FBLN2: variants seen among roughly 807,000 people sequenced by gnomAD.
FBLN2 encodes the protein fibulin 2, also known as fibulin-2.
In FBLN2, 81 loss-of-function variants were observed where a neutral mutation model predicts 123.7. That is an observed-to-expected ratio of 0.65 (90% CI 0.55 to 0.79). FBLN2 has a LOEUF of 0.79. FBLN2 is among the 30% of genes least tolerant of loss of function. The probability of loss-of-function intolerance (pLI) is 0.00; values close to 1 mark genes in which losing one functional copy is unlikely to be tolerated. For synonymous variants in FBLN2, 699 were observed against 701.4 expected, an observed-to-expected ratio of 1.00 and a Z score of 0.05; for missense variants, 1,603 against 1,681.3, an observed-to-expected ratio of 0.95 and a Z score of 0.81.
chr3:13,591,461 C>T (rs1159161113), intron 2 of FBLN2, among the ~76,000 whole-genome samples: 1 of 152,126 alleles, frequency 6.6e-6, no homozygotes, highest in Non-Finnish European at 1.5e-5. Flanking sequence ...ACAAATGGCC[C>T]CTAGACATCT....
intron 4 of FBLN2, among the ~76,000 whole-genome samples, chr3:13,609,979 AC>A (rs1406209588): frequency 2.0e-5 from 3 of 152,154 alleles, no homozygotes; most frequent in Non-Finnish European, 2.9e-5. Flanking sequence ...ATATTTTAGC[AC>A]CTGGCGTGGT....
chr3:13,602,389 A>T (rs1224061138), intron 2 of FBLN2, among the ~76,000 whole-genome samples: 1 of 152,188 alleles, frequency 6.6e-6, no homozygotes, highest in African/African-American at 2.4e-5. Flanking sequence ...TATTTTTCAG[A>T]AATGTTCTCG....
intron 2 of FBLN2, among the ~76,000 whole-genome samples, chr3:13,584,882 G>C (rs569201243): frequency 3.3e-5 from 5 of 152,350 alleles, no homozygotes; most frequent in East Asian, 3.9e-4. Context: ...AGATGCCCAG[G>C]TAGAGATGCC....
intron 16 of FBLN2, among the ~76,000 whole-genome samples, chr3:13,633,003 C>T (rs368001101): frequency 5.0e-4 from 76 of 152,352 alleles, no homozygotes; most frequent in Non-Finnish European, 8.5e-4. Context: ...GTGGCCACTT[C>T]AAGGAAGCCC....
chr3:13,615,754 C>G (rs1459454520), intron 5 of FBLN2, among the ~76,000 whole-genome samples: 4 of 152,228 alleles, frequency 2.6e-5, no homozygotes, highest in Non-Finnish European at 4.4e-5. Flanking sequence ...AGGGCAGGAT[C>G]TTGCCCCAGG....
chr3:13,608,203 C>A, intron 3 of FBLN2, 30 bp downstream of exon 3: 1 of 1,508,560 alleles, frequency 6.6e-7, no homozygotes, highest in Non-Finnish European at 9.0e-7. Context: ...GCAGGCGGAG[C>A]TGCCCATTTG....
chr3:13,612,420 A>G (rs56301518), intron 4 of FBLN2, among the ~76,000 whole-genome samples: 56,731 of 149,778 alleles, frequency 0.38, 15,839 homozygotes, highest in African/African-American at 0.8. Context: ...TCGCTCTGTC[A>G]CCCAGGCTGG....
Position 13,570,883 on chromosome 3 carries a change from T to C in FBLN2, c.528T>C (p.Gly176=). ...GGELICYQLP[G]CHGNFSDAEE... is the part of the protein sequence containing the mutation. ...AGCTCATCTGCTACCAGCTCCCCGG[T>C]TGCCACGGGAACTTCTCAGATGCCG... Residue 176 remains glycine (G), a synonymous_variant, in exon 2 of 18, where the codon GGT becomes GGC. Transcript: ENST00000404922. The C allele has an allele frequency of 6.2e-7, 1 of 1,612,070 alleles. No homozygotes were observed. Among genetic ancestry groups the C allele is most frequent in the Non-Finnish European group, 8.5e-7 (1 of 1,179,406 alleles).
At chr3:13,607,018 TGCTCTGTCACCCAG>T (rs1454000118) in intron 2 of FBLN2, among the ~76,000 whole-genome samples, 2 of 151,434 alleles carry the variant, frequency 1.3e-5, no homozygotes, top group Non-Finnish European at 2.9e-5. Context: ...GACGGAGTCT[TGCTCTGTCACCCAG>T]GCTGGAGTGC....
At chr3:13,587,436 A>G (rs1337416370) in intron 2 of FBLN2, among the ~76,000 whole-genome samples, 2 of 152,310 alleles carry the variant, frequency 1.3e-5, no homozygotes, top group South Asian at 4.1e-4. Flanking sequence ...TAGGTCTTCA[A>G]ATGCACTCAC....
intron 2 of FBLN2, among the ~76,000 whole-genome samples, chr3:13,590,804 A>C (rs555232745): frequency 1.9e-3 from 287 of 152,352 alleles, no homozygotes; most frequent in African/African-American, 6.7e-3. Flanking sequence ...GGAATAAATC[A>C]TAGTTTTAAA....
chr3:13,618,210 A>G lies in FBLN2; in HGVS notation c.1864A>G (p.Asn622Asp). The G allele has an allele frequency of 6.2e-7, 1 of 1,613,878 alleles. No individual in the cohort carries two copies. ...AGAGCTGTGCCAGCACCTTTGCATC[A>G]ATACTGTGGGTTCTTACCACTGTGC... is the stretch of plus-strand genomic sequence containing the variant. The part of the protein sequence containing the change: ...PGELCQHLCI[N>D]TVGSYHCACF... Residue 622 changes from asparagine (N) to aspartate (D), a missense_variant, in exon 6 of 18, where the codon AAT becomes GAT. Coordinates refer to ENST00000404922, the MANE Select transcript of FBLN2 (RefSeq NM_001004019.2).
chr3:13,607,423 A>G (rs1370306934), intron 2 of FBLN2, among the ~76,000 whole-genome samples: 3 of 152,206 alleles, frequency 2.0e-5, no homozygotes, highest in East Asian at 1.9e-4. Flanking sequence ...CAGGCTGAGT[A>G]GGCTTAGGAG....
At chr3:13,619,650 A>T in intron 7 of FBLN2, 80 bp from the exon 8 acceptor site, 1 of 1,186,276 alleles carries the variant, frequency 8.4e-7, no homozygotes, top group Non-Finnish European at 1.2e-6. Flanking sequence ...CTAGTAGGTT[A>T]GAGCCAGGGA....
intron 1 of FBLN2, among the ~76,000 whole-genome samples, chr3:13,567,905 C>G (rs1574947676): frequency 6.6e-6 from 1 of 152,198 alleles, no homozygotes; most frequent in Non-Finnish European, 1.5e-5. Flanking sequence ...CTGCGATGAG[C>G]TATGATCACA....
At chr3:13,626,395 C>G in intron 9 of FBLN2, 50 bp from the exon 10 acceptor site, 3 of 1,474,528 alleles carry the variant, frequency 2.0e-6, no homozygotes. Context: ...CTGCACTCAG[C>G]CACTGTCCTG....
intron 5 of FBLN2, among the ~76,000 whole-genome samples, chr3:13,616,664 G>A (rs756877494): frequency 2.6e-5 from 4 of 152,224 alleles, no homozygotes; most frequent in Non-Finnish European, 5.9e-5. Context: ...GTGGGAAGGA[G>A]GCCCTGGGCT....
chr3:13,550,314 G>T (rs915127096), intron 1 of FBLN2, among the ~76,000 whole-genome samples: 1 of 152,174 alleles, frequency 6.6e-6, no homozygotes, highest in Non-Finnish European at 1.5e-5. Context: ...CCTCACCTCC[G>T]TGCATCCTCT....
intron 1 of FBLN2, among the ~76,000 whole-genome samples, chr3:13,553,457 A>G (rs1461139250): frequency 6.6e-6 from 1 of 152,186 alleles, no homozygotes; most frequent in South Asian, 2.1e-4. Context: ...GTCCACCTCC[A>G]GGTCCTGCCT....
Sources: gnomAD v4.1 joint callset for allele counts (sites outside exome capture counted in the v4.1 genomes callset) on GRCh38, gnomAD v4.1.1 for gene constraint, MANE v1.5 for transcripts, NCBI Gene and HGNC (gene_info 2026-07-23, HGNC 2026-07-21) for gene names.